TNRC6B: variants seen among roughly 807,000 people sequenced by gnomAD.
TNRC6B encodes the protein trinucleotide repeat containing adaptor 6B, also known as trinucleotide repeat-containing gene 6B protein.
A neutral mutation model predicts 203.6 loss-of-function variants in TNRC6B; 52 were observed. That is an observed-to-expected ratio of 0.26 (90% CI 0.20 to 0.32). The LOEUF (loss-of-function observed/expected upper bound fraction) is 0.32, where lower values mean the gene tolerates loss of function less well. Among genes scored for constraint, TNRC6B ranks in the 10% least tolerant of loss-of-function variants. TNRC6B has a pLI of 1.00. For missense variants in TNRC6B, 1,923 were observed against 2,286.2 expected (o/e 0.84, Z 3.24); for synonymous variants, 838 against 845.7 (o/e 0.99, Z 0.16).
chr22:40,059,815 GT>G (rs764365612), intron 1 of TNRC6B, among the ~76,000 whole-genome samples: 5,853 of 126,168 alleles, frequency 0.046, 189 homozygotes, highest in African/African-American at 0.12. Flanking sequence ...ATAGAGTTTG[GT>G]TTTTTTTTTT....
intron 1 of TNRC6B, among the ~76,000 whole-genome samples, chr22:40,084,136 G>A (rs1379081316): frequency 6.6e-6 from 1 of 152,168 alleles, no homozygotes; most frequent in Non-Finnish European, 1.5e-5. Flanking sequence ...CGAATTGAAG[G>A]TTCTTGCAAG....
At chr22:40,078,570 G>A (rs950744877) in intron 1 of TNRC6B, among the ~76,000 whole-genome samples, 1 of 151,876 alleles carries the variant, frequency 6.6e-6, no homozygotes, top group Non-Finnish European at 1.5e-5. Flanking sequence ...CTACTGAGAA[G>A]CAGTATCTAC....
At chr22:40,079,583 A>AT (rs1555976577) in intron 1 of TNRC6B, among the ~76,000 whole-genome samples, 520 of 151,458 alleles carry the variant, frequency 3.4e-3, no homozygotes, top group African/African-American at 0.012. Flanking sequence ...ATATATATAT[A>AT]TTTTTTATGA....
In TNRC6B at chr22:40,321,237, T is replaced by G. The variant is rs1422106757; in HGVS notation, c.5114+8T>G. On this transcript the variant is annotated splice_region_variant and intron_variant, in intron 22 of 22. Transcript: ENST00000454349. ...CCAAACTGCACTGCACATGTGAGTA[T>G]TCGGTCCTACACCCACGTAGACAAA... 2 of 1,613,532 alleles carry G rather than the reference T, an allele frequency of 1.2e-6. No homozygotes were observed. The highest frequency in any genetic ancestry group is 1.7e-6 in the Non-Finnish European group (2 of 1,179,864).
At chr22:40,321,893 G>C (rs2071338975) in intron 22 of TNRC6B, 1 of 152,304 alleles carries the variant, frequency 6.6e-6, no homozygotes, top group Non-Finnish European at 1.5e-5. Flanking sequence ...TGGTCTTGGG[G>C]GGTAGCAGGG....
At chr22:40,210,080 G>T (rs2069540746) in intron 1 of TNRC6B, among the ~76,000 whole-genome samples, 1 of 151,394 alleles carries the variant, frequency 6.6e-6, no homozygotes, top group Non-Finnish European at 1.5e-5. Flanking sequence ...CCTGCAAACT[G>T]CAGGCCTGCA....
chr22:40,060,679 A>G lies in TNRC6B; in HGVS notation c.-121+15681A>G, dbSNP rs1011256501. ...AGTGAAAAAATACAGTGCAAAATTA[A>G]AAGGGAAAAGGTGCTGGTAGAAGCC... On this transcript the variant is annotated intron_variant, in intron 1 of 23. Transcript: ENST00000301923. Among the ~76,000 whole-genome samples the G allele has an allele frequency of 4.6e-5, 7 of 152,216 alleles. 1 individual carries two copies. Among genetic ancestry groups the G allele is most frequent in the Non-Finnish European group, 1.0e-4 (7 of 68,040 alleles).
chr22:40,289,678 C>G (rs2070842412), intron 12 of TNRC6B, among the ~76,000 whole-genome samples: 2 of 152,206 alleles, frequency 1.3e-5, no homozygotes, highest in South Asian at 4.1e-4. Context: ...AGATCTCAAC[C>G]TTCGAACCTC....
At chr22:40,069,844 TAA>T (rs1287018970) in intron 1 of TNRC6B, among the ~76,000 whole-genome samples, 1 of 152,192 alleles carries the variant, frequency 6.6e-6, no homozygotes, top group Non-Finnish European at 1.5e-5. Flanking sequence ...ACACATTTAT[TAA>T]AAGAGATTTT....
intron 1 of TNRC6B, among the ~76,000 whole-genome samples, chr22:40,210,605 A>G (rs958454450): frequency 6.6e-6 from 1 of 152,174 alleles, no homozygotes; most frequent in African/African-American, 2.4e-5. Context: ...ATCTAAACTC[A>G]TTTACACTAT....
chr22:40,311,526 C>T (rs552259065), intron 17 of TNRC6B, among the ~76,000 whole-genome samples: 11 of 151,514 alleles, frequency 7.3e-5, no homozygotes, highest in African/African-American at 2.4e-4. Flanking sequence ...TGTATAGTTT[C>T]GTTTTATTAA....
intron 1 of TNRC6B, among the ~76,000 whole-genome samples, chr22:40,233,269 C>T (rs1020779618): frequency 2.6e-5 from 4 of 151,942 alleles, no homozygotes; most frequent in Admixed American, 6.6e-5. Context: ...TTGCAGTGAG[C>T]CAAGATCGCG....
chr22:40,267,870 CA>C (rs34619639), intron 5 of TNRC6B, among the ~76,000 whole-genome samples: 27 of 146,160 alleles, frequency 1.8e-4, no homozygotes, highest in Non-Finnish European at 3.8e-4. Context: ...ACCCTGTTGC[CA>C]AAAAAAAAAG....
At chr22:40,074,463 A>G (rs748715802) in intron 1 of TNRC6B, among the ~76,000 whole-genome samples, 3 of 151,738 alleles carry the variant, frequency 2.0e-5, no homozygotes, top group African/African-American at 4.8e-5. Context: ...TGGGAAACAT[A>G]TGAGACTTTA....
At chr22:40,182,655 T>C (rs2069149211) in intron 1 of TNRC6B, among the ~76,000 whole-genome samples, 1 of 152,254 alleles carries the variant, frequency 6.6e-6, no homozygotes, top group Admixed American at 6.5e-5. Context: ...TTGGTTCATG[T>C]GGAAATACTT....
chr22:40,287,407 C>G (rs769830053), intron 12 of TNRC6B, among the ~76,000 whole-genome samples: 2 of 152,176 alleles, frequency 1.3e-5, no homozygotes, highest in Non-Finnish European at 2.9e-5. Flanking sequence ...TGTTCTGAGT[C>G]TGTATCTTTC....
intron 19 of TNRC6B, among the ~76,000 whole-genome samples, chr22:40,314,882 T>C (rs1321415403): frequency 6.6e-6 from 1 of 152,262 alleles, no homozygotes. Context: ...CTAATTACTT[T>C]CTATTCAGTC....
upstream of TNRC6B, among the ~76,000 whole-genome samples, chr22:40,173,789 A>G (rs1569007710): frequency 2.3e-5 from 1 of 43,080 alleles, no homozygotes; most frequent in East Asian, 5.0e-4. Context: ...ATATATATAT[A>G]TATATTTTTT....
rs1290388303 is a variant in TNRC6B, at chr22:40,287,325, A to G, written c.3708+1555A>G. On this transcript the variant is annotated intron_variant, in intron 12 of 22. Transcript: ENST00000454349. Reference sequence around the variant, plus strand: ...TGCCCAGCCTGTTTTGTTTTTTGAAATGCCCTTTAAGACCAGGGCTTAAAA... The same window carrying G: ...TGCCCAGCCTGTTTTGTTTTTTGAAGTGCCCTTTAAGACCAGGGCTTAAAA... Among the ~76,000 whole-genome samples the G allele has an allele frequency of 3.3e-5, 5 of 152,316 alleles. No individual in the cohort carries two copies. In the East Asian group the frequency reaches 7.7e-4, roughly 23 times the overall value.
Sources: gnomAD v4.1 joint callset for allele counts (sites outside exome capture counted in the v4.1 genomes callset) on GRCh38, gnomAD v4.1.1 for gene constraint, MANE v1.5 for transcripts, NCBI Gene and HGNC (gene_info 2026-07-23, HGNC 2026-07-21) for gene names.